Variants in CEP128 observed in about 807,000 individuals in gnomAD.
CEP128 encodes centrosomal protein 128.
A neutral mutation model predicts 156.7 loss-of-function variants in CEP128; 132 were observed. The ratio of observed to expected loss-of-function variants is 0.84; its 90% CI spans 0.73 to 0.97. CEP128 has a LOEUF of 0.97. Among genes scored for constraint, CEP128 ranks in the 50% least tolerant of loss-of-function variants. The pLI is 0.00. For synonymous variants in CEP128, 469 were observed against 448.9 expected (o/e 1.04, Z -0.57); for missense variants, 1,252 against 1,281.9 (o/e 0.98, Z 0.36).
chr14:80,758,741 C>A (rs1033940624), intron 17 of CEP128, among the ~76,000 whole-genome samples: 30 of 152,144 alleles, frequency 2.0e-4, no homozygotes, highest in African/African-American at 7.2e-4. Context: ...AGAGGCAATA[C>A]AAAATAATGA....
chr14:80,754,539 T>C (rs1411537929), intron 18 of CEP128, among the ~76,000 whole-genome samples: 1 of 144,768 alleles, frequency 6.9e-6, no homozygotes, highest in Non-Finnish European at 1.5e-5. Flanking sequence ...CTTGGCTCAC[T>C]GCAACCTCTG....
chr14:80,751,788 C>T (rs892933270), intron 18 of CEP128, among the ~76,000 whole-genome samples: 1 of 152,018 alleles, frequency 6.6e-6, no homozygotes, highest in Non-Finnish European at 1.5e-5. Flanking sequence ...CGCTACCACG[C>T]CTGGCTAATT....
At chr14:80,485,988 T>C (rs1476666625), downstream of CEP128, among the ~76,000 whole-genome samples, 1 of 152,246 alleles carries the variant, frequency 6.6e-6, no homozygotes. Context: ...TGAGGAGCTA[T>C]GCTGTTTGCT....
At position 80,619,359 on chromosome 14, in the gene CEP128, GACACACAGACACACACACACAC is replaced by G. The variant is rs1050504763; in HGVS notation, c.2807-38958_2807-38937del. On this transcript the variant is annotated intron_variant, in intron 19 of 24. Coordinates refer to ENST00000555265, the MANE Select transcript of CEP128 (RefSeq NM_152446.5). ...TATAAAATGTTTTAAATGATTTAAA[GACACACAGACACACACACACAC>G]ACACACACACACACACACACACACA... Among the ~76,000 whole-genome samples, 93 of 72,678 alleles carry G rather than the reference GACACACAGACACACACACACAC, an allele frequency of 1.3e-3. 3 individuals are homozygous for G. The South Asian group carries it at 0.047, about 36-fold the overall frequency. The allele number at this position is 72,678 out of a possible 152,430, so 47.7% of individuals were successfully genotyped here.
At chr14:80,507,326 G>T (rs1458533845) in intron 23 of CEP128, among the ~76,000 whole-genome samples, 1 of 152,118 alleles carries the variant, frequency 6.6e-6, no homozygotes, top group African/African-American at 2.4e-5. Flanking sequence ...TAAGAAACTC[G>T]AAGTCATTCA....
chr14:80,484,905 A>G (rs1398283981), intron 14 of CEP128, among the ~76,000 whole-genome samples: 1 of 152,164 alleles, frequency 6.6e-6, no homozygotes, highest in Admixed American at 6.5e-5. Flanking sequence ...ACAACTGCAC[A>G]TTCCTCTAAG....
chr14:80,557,802 CCTT>C (rs1890498584), intron 21 of CEP128, among the ~76,000 whole-genome samples: 1 of 151,868 alleles, frequency 6.6e-6, no homozygotes, highest in Non-Finnish European at 1.5e-5. Flanking sequence ...TTTTTATTAA[CCTT>C]ATTATCTAAA....
intron 16 of CEP128, among the ~76,000 whole-genome samples, chr14:80,769,208 G>A (rs1303454719): frequency 6.7e-6 from 1 of 149,668 alleles, no homozygotes; most frequent in Non-Finnish European, 1.5e-5. Context: ...AGGTTACAGT[G>A]TCTTTAATAA....
chr14:80,488,490 G>T (rs1351373779), downstream of CEP128, among the ~76,000 whole-genome samples: 1 of 150,792 alleles, frequency 6.6e-6, no homozygotes, highest in Admixed American at 6.6e-5. Context: ...AACAACAGGT[G>T]CTGAAGAGGA....
intron 19 of CEP128, among the ~76,000 whole-genome samples, chr14:80,655,937 A>G (rs1433135287): frequency 6.6e-6 from 1 of 151,590 alleles, no homozygotes; most frequent in African/African-American, 2.4e-5. Context: ...GGATAGTTTG[A>G]GTTTATCTTC....
At chr14:80,905,545 A>G in intron 5 of CEP128, 1 of 167,508 alleles carries the variant, frequency 6.0e-6, no homozygotes, top group Non-Finnish European at 1.3e-5. Flanking sequence ...ATTCATATCT[A>G]CCTGCATGCC....
In CEP128 at chr14:80,673,645, C is replaced by CAAAAAAAA. The variant is rs4016509; in HGVS notation, c.2806+69422_2806+69429dup. Among the ~76,000 whole-genome samples the CAAAAAAAA allele has an allele frequency of 8.0e-3, 350 of 43,936 alleles. 41 individuals carry two copies. Among genetic ancestry groups the CAAAAAAAA allele is most frequent in the African/African-American group, 0.034 (277 of 8,070 alleles). The allele number at this position is 43,936 out of a possible 152,430, so 28.8% of individuals were successfully genotyped here. On this transcript the variant is annotated intron_variant, in intron 19 of 24. Transcript: ENST00000555265. ...TGGGCGACAGAGCGAGACTCCGTCT[C>CAAAAAAAA]AAAAAAAAAAAAAAAAAAAAAAAAA...
chr14:80,865,623 A>G (rs1204870846), intron 8 of CEP128, among the ~76,000 whole-genome samples: 1 of 152,102 alleles, frequency 6.6e-6, no homozygotes, highest in Non-Finnish European at 1.5e-5. Flanking sequence ...TCTAATAAAG[A>G]GGACACTGCA....
rs1214683570 is a variant in CEP128 at position 80,496,694 on chromosome 14, T to C, written c.*785A>G. 1.3e-5 allele frequency: 2 copies of C among 152,178 alleles called. No homozygotes were observed. The highest frequency in any genetic ancestry group is 2.9e-5 in the Non-Finnish European group (2 of 68,012). 9.4% of individuals were successfully genotyped at this position (152,178 alleles called of 1,614,324 possible). A position where few individuals can be genotyped will look rare whatever the true frequency, so the allele number is the denominator to read the frequency against. On this transcript the variant is annotated 3_prime_UTR_variant, in exon 25 of 25. Coordinates refer to ENST00000555265, the MANE Select transcript of CEP128 (RefSeq NM_152446.5). Reference sequence around the variant, plus strand: ...GGACCAAATTATACAAGATTATATATAAATCTCATGGACAAAGGAGTTTGG... The same window carrying C: ...GGACCAAATTATACAAGATTATATACAAATCTCATGGACAAAGGAGTTTGG...
chr14:80,633,340 T>C (rs1894044857), intron 19 of CEP128, among the ~76,000 whole-genome samples: 1 of 152,224 alleles, frequency 6.6e-6, no homozygotes. Context: ...TCAATAGTAA[T>C]ACTTTCCGTT....
chr14:80,927,476 C>A (rs1885213813), intron 2 of CEP128, among the ~76,000 whole-genome samples: 1 of 152,186 alleles, frequency 6.6e-6, no homozygotes, highest in African/African-American at 2.4e-5. Flanking sequence ...ACTGCACCCC[C>A]ACAAGAGGAA....
chr14:80,540,766 C>A (rs1455094848), intron 21 of CEP128, among the ~76,000 whole-genome samples: 1 of 152,062 alleles, frequency 6.6e-6, no homozygotes, highest in African/African-American at 2.4e-5. Flanking sequence ...TACTCCTAGG[C>A]TGGGGACTTG....
At chr14:80,541,612 C>T (rs1889766840) in intron 21 of CEP128, among the ~76,000 whole-genome samples, 1 of 151,694 alleles carries the variant, frequency 6.6e-6, no homozygotes, top group South Asian at 2.1e-4. Flanking sequence ...TATAACTGGC[C>T]TAACTTAAAA....
At chr14:80,678,049 A>AAAATATATATATATAT in intron 19 of CEP128, among the ~76,000 whole-genome samples, 1,277 of 98,436 alleles carry the variant, frequency 0.013, 38 homozygotes, top group African/African-American at 0.038. Flanking sequence ...ATAAAAAAAA[A>AAAATATATATATATAT]ATATATATAT....
Sources: allele counts gnomAD v4.1 joint callset (sites outside exome capture counted in the v4.1 genomes callset), GRCh38; gene constraint gnomAD v4.1.1; transcripts MANE v1.5; gene names NCBI Gene and HGNC (gene_info 2026-07-23, HGNC 2026-07-21).